XKR9: variants seen among roughly 807,000 people sequenced by gnomAD.
The protein encoded by XKR9 is XK-related protein 9.
In XKR9, 32 loss-of-function variants were observed where a neutral mutation model predicts 32.0. The ratio of observed to expected loss-of-function variants is 1.00; its 90% CI spans 0.76 to 1.34. XKR9 has a LOEUF of 1.34. XKR9 is among the 40% of genes most tolerant of loss of function. The probability of loss-of-function intolerance (pLI) is 0.00; values close to 1 mark genes in which losing one functional copy is unlikely to be tolerated. For missense variants in XKR9, 546 were observed against 429.7 expected (o/e 1.27, Z -2.39); for synonymous variants, 168 against 143.4 (o/e 1.17, Z -1.22).
At chr8:70,686,601 G>A (rs984332797) in intron 3 of XKR9, among the ~76,000 whole-genome samples, 2 of 151,868 alleles carry the variant, frequency 1.3e-5, no homozygotes, top group African/African-American at 4.8e-5. Flanking sequence ...GTGCCACCAT[G>A]CCTGGCTAAT....
chr8:70,740,138 C>A (rs545738076), downstream of XKR9, among the ~76,000 whole-genome samples: 9 of 152,282 alleles, frequency 5.9e-5, no homozygotes, highest in South Asian at 1.5e-3. Flanking sequence ...TTCACATAGT[C>A]CCATATTTCT....
At chr8:71,001,237 T>C in the XKR9 span, among the ~76,000 whole-genome samples, 6 of 152,160 alleles carry the variant, frequency 3.9e-5, no homozygotes, top group African/African-American at 1.4e-4. Context: ...GGTCTAGCTC[T>C]GGTACTAGTT....
At chr8:70,987,322 A>G in the XKR9 span, among the ~76,000 whole-genome samples, 2 of 152,214 alleles carry the variant, frequency 1.3e-5, no homozygotes, top group African/African-American at 4.8e-5. Flanking sequence ...CCTTCTGCCT[A>G]TGAGCCTGTA....
the XKR9 span, among the ~76,000 whole-genome samples, chr8:70,809,892 C>A: frequency 1.3e-5 from 2 of 152,280 alleles, no homozygotes; most frequent in South Asian, 2.1e-4. Context: ...GAGAACTTCC[C>A]CAATCTAGCA....
intron 4 of XKR9, among the ~76,000 whole-genome samples, chr8:70,721,952 A>G (rs1806296242): frequency 6.6e-6 from 1 of 152,094 alleles, no homozygotes; most frequent in South Asian, 2.1e-4. Context: ...GTACATCTCT[A>G]AGAACTTGCT....
At chr8:70,850,318 G>A in the XKR9 span, among the ~76,000 whole-genome samples, 1 of 151,832 alleles carries the variant, frequency 6.6e-6, no homozygotes, top group Non-Finnish European at 1.5e-5. Flanking sequence ...AACATTAGCT[G>A]GGTGTGGTGG....
chr8:70,750,708 A>G (rs915768015), intron 2 of XKR9, among the ~76,000 whole-genome samples: 8 of 152,232 alleles, frequency 5.3e-5, no homozygotes, highest in Admixed American at 2.0e-4. Context: ...AAAATAGACT[A>G]AAACCATTAA....
the XKR9 span, among the ~76,000 whole-genome samples, chr8:70,840,537 T>C: frequency 6.6e-6 from 1 of 152,140 alleles, no homozygotes; most frequent in Non-Finnish European, 1.5e-5. Flanking sequence ...ACATTGATAC[T>C]GAACATTGAG....
chr8:70,806,995 A>G, the XKR9 span, among the ~76,000 whole-genome samples: 1 of 152,160 alleles, frequency 6.6e-6, no homozygotes, highest in South Asian at 2.1e-4. Context: ...TGAAGGAAAA[A>G]ATGTTAAGGG....
the XKR9 span, among the ~76,000 whole-genome samples, chr8:70,852,738 T>G: frequency 6.6e-6 from 1 of 152,054 alleles, no homozygotes; most frequent in Admixed American, 6.6e-5. Flanking sequence ...CTCAGCTAAC[T>G]AACACAGGAA....
At chr8:71,033,448 C>T in the XKR9 span, among the ~76,000 whole-genome samples, 3 of 152,258 alleles carry the variant, frequency 2.0e-5, no homozygotes, top group East Asian at 1.9e-4. Context: ...GTAGTGCTCT[C>T]ATCACTGCTA....
the XKR9 span, among the ~76,000 whole-genome samples, chr8:70,987,895 A>G: frequency 6.6e-6 from 1 of 152,288 alleles, no homozygotes; most frequent in Admixed American, 6.5e-5. Context: ...CTAAACCTCA[A>G]TTCTTGACTT....
intron 4 of XKR9, among the ~76,000 whole-genome samples, chr8:70,730,818 TC>T (rs914465664): frequency 1.3e-5 from 2 of 152,232 alleles, no homozygotes; most frequent in Non-Finnish European, 2.9e-5. Context: ...CTATTGCTCT[TC>T]CCAGAAGAAG....
At chr8:70,805,182 AG>A in the XKR9 span, among the ~76,000 whole-genome samples, 1 of 152,186 alleles carries the variant, frequency 6.6e-6, no homozygotes, top group Non-Finnish European at 1.5e-5. Context: ...CACACAGGGC[AG>A]GGGAATCTCC....
intron 2 of XKR9, among the ~76,000 whole-genome samples, chr8:70,766,676 G>A (rs113586461): frequency 0.028 from 4,205 of 152,236 alleles, 193 homozygotes; most frequent in African/African-American, 0.094. Flanking sequence ...TCTTGTGCCA[G>A]CATTCAAAGG....
chr8:70,960,579 T>C, the XKR9 span, among the ~76,000 whole-genome samples: 1 of 152,106 alleles, frequency 6.6e-6, no homozygotes. Flanking sequence ...TAGGATGTTG[T>C]CAAAAATACA....
rs533447784 is a variant in XKR9, at chr8:70,671,602, C to T, written c.-361+2064C>T. 3.1e-4 allele frequency among the ~76,000 whole-genome samples: 25 copies of T among 80,892 alleles called. 1 individual carries two copies. Among genetic ancestry groups the T allele is most frequent in the African/African-American group, 9.0e-4 (24 of 26,730 alleles). 53.1% of individuals were successfully genotyped at this position (80,892 alleles called of 152,430 possible). A position where few individuals can be genotyped will look rare whatever the true frequency, so the allele number is the denominator to read the frequency against. On this transcript the variant is annotated intron_variant, in intron 1 of 4. Coordinates refer to ENST00000408926, the MANE Select transcript of XKR9 (RefSeq NM_001011720.2). ...TGCGGTGTTTGGTTTTTTGTTCTTGCGATAGTTTACTGAGAATGATGGTTT... is the reference window on the plus strand; with the variant it reads ...TGCGGTGTTTGGTTTTTTGTTCTTGTGATAGTTTACTGAGAATGATGGTTT...
rs752196508 is a variant in XKR9, at chr8:70,734,159, C to G, written c.857C>G (p.Pro286Arg). The change falls in exon 5 of 5, where the codon CCA becomes CGA. Residue 286 changes from proline (P) to arginine (R), a missense_variant. Physicochemically the swap from Pro to Arg is moderately radical, Grantham distance 103 (BLOSUM62 -2). Coordinates refer to ENST00000408926, the MANE Select transcript of XKR9 (RefSeq NM_001011720.2). ...ATTAAGGGACAGAATACCAAGTGTC[C>G]AATGTCTTGTTATTATATTGTTAGG... Reference protein sequence around the residue: ...FNIKGQNTKCPMSCYYIVRVL... With the variant: ...FNIKGQNTKCRMSCYYIVRVL... The G allele has an allele frequency of 1.2e-6, 2 of 1,612,522 alleles. No individual in the cohort carries two copies. Among genetic ancestry groups the G allele is most frequent in the Admixed American group, 3.3e-5 (2 of 59,906 alleles).
the XKR9 span, among the ~76,000 whole-genome samples, chr8:71,016,221 A>T: frequency 2.6e-5 from 4 of 152,162 alleles, no homozygotes; most frequent in African/African-American, 9.7e-5. Flanking sequence ...TGCTTCCATT[A>T]TATTGGCAAT....
Sources: allele counts gnomAD v4.1 joint callset (sites outside exome capture counted in the v4.1 genomes callset), GRCh38; gene constraint gnomAD v4.1.1; transcripts MANE v1.5; gene names NCBI Gene and HGNC (gene_info 2026-07-23, HGNC 2026-07-21).